Variants in CNTFR observed in about 807,000 individuals in gnomAD.
CNTFR encodes ciliary neurotrophic factor receptor, also known as ciliary neurotrophic factor receptor subunit alpha.
Under a neutral mutation model 40.4 loss-of-function variants are expected in CNTFR, and 12 were observed. That is an observed-to-expected ratio of 0.30 (90% CI 0.19 to 0.48). The LOEUF (loss-of-function observed/expected upper bound fraction) is 0.48, where lower values mean the gene tolerates loss of function less well. CNTFR is among the 20% of genes least tolerant of loss of function. CNTFR has a pLI of 0.99. For synonymous variants in CNTFR, 202 were observed against 209.6 expected (o/e 0.96, Z 0.31); for missense variants, 414 against 506.8 (o/e 0.82, Z 1.76).
chr9:34,557,836 C>T lies in CNTFR; in HGVS notation c.437+31G>A. Reference sequence around the variant, plus strand: ...ATGGGGGAGAGGTCAGAGGTCAGGGCTGGACCCGGGTCACAGGCGCAGCTA... The same window carrying T: ...ATGGGGGAGAGGTCAGAGGTCAGGGTTGGACCCGGGTCACAGGCGCAGCTA... On this transcript the variant is annotated intron_variant, in intron 5 of 9. Transcript: ENST00000378980. This position sits in a 1 kb window ranked among gnomAD's most constrained non-coding sequence, Gnocchi z 4.2. 1 of 1,553,288 alleles carries T rather than the reference C, an allele frequency of 6.4e-7. No individual in the cohort carries two copies. Among genetic ancestry groups the T allele is most frequent in the Non-Finnish European group, 8.8e-7 (1 of 1,142,082 alleles).
intron 2 of CNTFR, among the ~76,000 whole-genome samples, chr9:34,579,580 C>CAGAGAGAGGGTGATGGAG (rs1391158391): frequency 4.0e-5 from 6 of 151,474 alleles, no homozygotes; most frequent in Non-Finnish European, 8.8e-5. Context: ...CTGAGATGGA[C>CAGAGAGAGGGTGATGGAG]AGAGAGAGGG....
In CNTFR at chr9:34,552,297, G is replaced by C. The variant is rs574732230; in HGVS notation, c.982C>G (p.Pro328Ala). Reference protein sequence around the residue: ...TTTSTTSSLAPPPTTKICDPG... With the variant: ...TTTSTTSSLAAPPTTKICDPG... ...TCACAGATCTTCGTGGTAGGTGGGGGTGCCAGGGAGCTGGTGGTGCTGGTC... is the reference window on the plus strand; with the variant it reads ...TCACAGATCTTCGTGGTAGGTGGGGCTGCCAGGGAGCTGGTGGTGCTGGTC... The change falls in exon 9 of 10, where the codon CCC (proline) becomes GCC (alanine). Residue 328 changes from proline (P) to alanine (A), a missense_variant. Transcript: ENST00000378980. This position sits in a 1 kb window ranked among gnomAD's most constrained non-coding sequence, Gnocchi z 5.1. The C allele has an allele frequency of 3.2e-6, 5 of 1,543,266 alleles. No individual in the cohort carries two copies. The East Asian group carries it at 7.3e-5, about 23-fold the overall frequency.
intron 1 of CNTFR, among the ~76,000 whole-genome samples, chr9:34,585,934 T>TG (rs776770521): frequency 9.9e-5 from 15 of 152,136 alleles, no homozygotes; most frequent in Admixed American, 2.6e-4. Context: ...CAACTCGCCA[T>TG]GGGGGGGCAG....
chr9:34,577,200 G>A (rs546775359), intron 2 of CNTFR, among the ~76,000 whole-genome samples: 18 of 152,356 alleles, frequency 1.2e-4, no homozygotes, highest in Non-Finnish European at 2.1e-4. Flanking sequence ...GTGCTGGCCA[G>A]GCCCCAGCCC....
At chr9:34,573,335 G>A (rs1826775534) in intron 2 of CNTFR, among the ~76,000 whole-genome samples, 1 of 152,188 alleles carries the variant, frequency 6.6e-6, no homozygotes, top group African/African-American at 2.4e-5. Flanking sequence ...ACCACTAACT[G>A]CGTCTCAGCT....
chr9:34,565,763 G>A (rs1826256999), intron 3 of CNTFR, among the ~76,000 whole-genome samples: 1 of 152,310 alleles, frequency 6.6e-6, no homozygotes, highest in African/African-American at 2.4e-5. Context: ...CGAAGTGGGG[G>A]AAGCGATCAG....
At chr9:34,585,763 C>A (rs1377381692) in intron 1 of CNTFR, among the ~76,000 whole-genome samples, 1 of 152,170 alleles carries the variant, frequency 6.6e-6, no homozygotes, top group Non-Finnish European at 1.5e-5. Context: ...GAGGTCTCCC[C>A]CACTACCCCC....
At chr9:34,573,209 G>A (rs1389877191) in intron 2 of CNTFR, among the ~76,000 whole-genome samples, 2 of 152,194 alleles carry the variant, frequency 1.3e-5, no homozygotes, top group Non-Finnish European at 2.9e-5. Context: ...GGGGGAAGGA[G>A]GTGTGAGTTT....
chr9:34,569,624 T>C (rs1826488239), intron 2 of CNTFR: 1 of 152,764 alleles, frequency 6.5e-6, no homozygotes, highest in African/African-American at 2.4e-5. Context: ...GTGGTGAGCC[T>C]TGCCACTGGG....
At chr9:34,563,761 G>A (rs994153875) in intron 4 of CNTFR, among the ~76,000 whole-genome samples, 6 of 152,046 alleles carry the variant, frequency 3.9e-5, no homozygotes, top group Admixed American at 3.3e-4. Flanking sequence ...ATTCTTCGAC[G>A]TCCAACTGCG....
At chr9:34,579,072 C>T (rs1001605504) in intron 2 of CNTFR, among the ~76,000 whole-genome samples, 4 of 152,210 alleles carry the variant, frequency 2.6e-5, no homozygotes, top group Non-Finnish European at 5.9e-5. Context: ...CACACGCACA[C>T]GCACACGTGC....
intron 2 of CNTFR, among the ~76,000 whole-genome samples, chr9:34,576,416 G>A (rs1293082150): frequency 6.6e-6 from 1 of 152,172 alleles, no homozygotes; most frequent in Non-Finnish European, 1.5e-5. Flanking sequence ...AGTCGCCCTT[G>A]GCCTCTCACG....
At chr9:34,558,057 GC>G in intron 4 of CNTFR, 73 bp from the exon 5 acceptor site, 1 of 1,033,926 alleles carries the variant, frequency 9.7e-7, no homozygotes, top group East Asian at 2.6e-5. Context: ...GGACAGGTGG[GC>G]CCCAGAGCCC....
intron 1 of CNTFR, among the ~76,000 whole-genome samples, chr9:34,585,980 C>G (rs1032822707): frequency 6.6e-6 from 1 of 152,228 alleles, no homozygotes; most frequent in Admixed American, 6.5e-5. Context: ...CCTCCCACCC[C>G]GGCTGGAGAG....
Position 34,557,848 on chromosome 9 carries a change from C to G in CNTFR, c.437+19G>C. 6.4e-7 allele frequency: 1 copy of G among 1,555,554 alleles called. No individual in the cohort carries two copies. The highest frequency in any genetic ancestry group is 8.7e-7 in the Non-Finnish European group (1 of 1,146,052). On this transcript the variant is annotated intron_variant, in intron 5 of 9. Transcript: ENST00000378980. This position sits in a 1 kb window ranked among gnomAD's most constrained non-coding sequence, Gnocchi z 4.2. The stretch of plus-strand genomic sequence containing the variant: ...TCAGAGGTCAGGGCTGGACCCGGGT[C>G]ACAGGCGCAGCTACTCACAGCACAG...
intron 4 of CNTFR, among the ~76,000 whole-genome samples, chr9:34,559,146 A>G (rs1825967683): frequency 1.3e-5 from 2 of 152,164 alleles, no homozygotes; most frequent in Admixed American, 6.5e-5. Flanking sequence ...GGGCAGCGCA[A>G]TAAGCCAGGG....
chr9:34,552,014 A>C lies in CNTFR; in HGVS notation c.*57T>G. ...AATAGAAACCGGGGTCTGCAGGCTC[A>C]GCTCCGGCCTCCTGCTCCTCTGCAG... On this transcript the variant is annotated 3_prime_UTR_variant, in exon 10 of 10. Coordinates refer to ENST00000378980, the MANE Select transcript of CNTFR (RefSeq NM_147164.3). The surrounding 1 kb of genome is among the most constrained non-coding windows in gnomAD (Gnocchi z 5.1). 2.0e-6 allele frequency: 2 copies of C among 992,078 alleles called. No homozygotes were observed. The highest frequency in any genetic ancestry group is 1.6e-5 in the African/African-American group (1 of 63,080). The allele number at this position is 992,078 out of a possible 1,614,324, so 61.5% of individuals were successfully genotyped here.
chr9:34,558,518 G>A lies in CNTFR; in HGVS notation c.320-534C>T, dbSNP rs57157187. Among the ~76,000 whole-genome samples, 791 of 152,284 alleles carry A rather than the reference G, an allele frequency of 5.2e-3. 7 individuals are homozygous for A. The highest frequency in any genetic ancestry group is 0.018 in the African/African-American group (741 of 41,554). On this transcript the variant is annotated intron_variant, in intron 4 of 9. Coordinates refer to ENST00000378980, the MANE Select transcript of CNTFR (RefSeq NM_147164.3). ...CAGCACTGGGCAGCTGTTTGTATGCGTATCTGTGTTTGTAGATGTCTGCAT... is the reference window on the plus strand; with the variant it reads ...CAGCACTGGGCAGCTGTTTGTATGCATATCTGTGTTTGTAGATGTCTGCAT...
At chr9:34,562,588 G>A (rs533472644) in intron 4 of CNTFR, among the ~76,000 whole-genome samples, 13 of 152,314 alleles carry the variant, frequency 8.5e-5, no homozygotes, top group African/African-American at 2.6e-4. Context: ...TTCTGACAGC[G>A]AGGCAAGTGT....
Sources: allele counts gnomAD v4.1 joint callset (sites outside exome capture counted in the v4.1 genomes callset), GRCh38; gene constraint gnomAD v4.1.1; non-coding constraint Gnocchi (gnomAD v3.1); transcripts MANE v1.5; gene names NCBI Gene and HGNC (gene_info 2026-07-23, HGNC 2026-07-21).